The following KCNAB1 variants were observed in gnomAD, a reference collection of about 807,000 sequenced individuals.
KCNAB1 encodes the protein potassium voltage-gated channel subfamily A regulatory beta subunit 1, also known as voltage-gated potassium channel subunit beta-1.
Under a neutral mutation model 64.6 loss-of-function variants are expected in KCNAB1, and 35 were observed. That is an observed-to-expected ratio of 0.54 (90% CI 0.41 to 0.72). The LOEUF (loss-of-function observed/expected upper bound fraction) is 0.72. Ranked by LOEUF, KCNAB1 falls within the 30% of genes least tolerant of loss-of-function variation. The pLI is 0.00. For synonymous variants in KCNAB1, 177 were observed against 183.8 expected, an observed-to-expected ratio of 0.96 and a Z score of 0.30; for missense variants, 401 against 512.9, an observed-to-expected ratio of 0.78 and a Z score of 2.11.
intron 1 of KCNAB1, among the ~76,000 whole-genome samples, chr3:156,137,436 G>A (rs530491903): frequency 2.0e-5 from 3 of 152,186 alleles, no homozygotes; most frequent in East Asian, 1.9e-4. Flanking sequence ...GGACTGTTGT[G>A]TTGTATTCAC....
At chr3:156,147,615 T>C (rs1715114350) in intron 1 of KCNAB1, among the ~76,000 whole-genome samples, 1 of 152,090 alleles carries the variant, frequency 6.6e-6, no homozygotes, top group African/African-American at 2.4e-5. Context: ...GAAAAATAAG[T>C]GTTATTTGCC....
At chr3:156,467,562 A>G (rs113520952) in intron 7 of KCNAB1, among the ~76,000 whole-genome samples, 42 of 152,186 alleles carry the variant, frequency 2.8e-4, no homozygotes, top group African/African-American at 9.9e-4. Context: ...CATCTTCTTC[A>G]CCTTTTCTCT....
chr3:156,514,323 T>C (rs774315608), intron 8 of KCNAB1, 41 bp from the exon 9 acceptor site: 21 of 1,506,118 alleles, frequency 1.4e-5, no homozygotes, highest in African/African-American at 1.4e-5. Flanking sequence ...CTTTGAAAAG[T>C]AGACAAATTC....
intron 1 of KCNAB1, among the ~76,000 whole-genome samples, chr3:156,236,995 C>A (rs1026908295): frequency 2.0e-5 from 3 of 152,062 alleles, no homozygotes; most frequent in African/African-American, 7.2e-5. Flanking sequence ...AGTGTTATTG[C>A]TCTTGAGTGT....
chr3:156,289,668 T>G (rs1193389951), intron 1 of KCNAB1, among the ~76,000 whole-genome samples: 2 of 152,252 alleles, frequency 1.3e-5, no homozygotes, highest in Non-Finnish European at 2.9e-5. Flanking sequence ...ATATGTTTAT[T>G]TTTTAAAGTA....
At chr3:156,345,165 TTAA>T (rs1724406602) in intron 1 of KCNAB1, among the ~76,000 whole-genome samples, 1 of 152,240 alleles carries the variant, frequency 6.6e-6, no homozygotes, top group Non-Finnish European at 1.5e-5. Flanking sequence ...ATCTCTACAC[TTAA>T]TAATGTTTGT....
chr3:156,316,455 A>G (rs1204683729), intron 1 of KCNAB1, among the ~76,000 whole-genome samples: 3 of 152,386 alleles, frequency 2.0e-5, no homozygotes, highest in South Asian at 2.1e-4. Flanking sequence ...GATGTGTCCC[A>G]TAACAGGTCA....
chr3:156,535,936 G>A (rs956276561), intron 13 of KCNAB1, among the ~76,000 whole-genome samples: 1 of 152,024 alleles, frequency 6.6e-6, no homozygotes, highest in African/African-American at 2.4e-5. Context: ...GGCATTCAAG[G>A]CTTTCCACAC....
At chr3:156,229,777 G>A (rs1353672914) in intron 1 of KCNAB1, among the ~76,000 whole-genome samples, 1 of 152,116 alleles carries the variant, frequency 6.6e-6, no homozygotes, top group Non-Finnish European at 1.5e-5. Flanking sequence ...TCTCCAGTTG[G>A]GTGTTGGTAA....
chr3:156,205,970 A>T (rs536982494), intron 1 of KCNAB1, among the ~76,000 whole-genome samples: 29 of 152,240 alleles, frequency 1.9e-4, no homozygotes, highest in African/African-American at 6.0e-4. Flanking sequence ...GCACTTGTAC[A>T]TGCTGTTTTG....
chr3:156,525,182 T>G (rs1418829139), intron 12 of KCNAB1, among the ~76,000 whole-genome samples: 1 of 152,160 alleles, frequency 6.6e-6, no homozygotes, highest in Non-Finnish European at 1.5e-5. Flanking sequence ...TAAAACAGCC[T>G]TATGCAGGCC....
At chr3:156,504,176 A>AC (rs1716655228) in intron 8 of KCNAB1, among the ~76,000 whole-genome samples, 3 of 152,136 alleles carry the variant, frequency 2.0e-5, no homozygotes, top group Admixed American at 2.0e-4. Flanking sequence ...ATCTTTCTGC[A>AC]CCTGGCTTAT....
chr3:156,226,281 T>C (rs1409002710), intron 1 of KCNAB1, among the ~76,000 whole-genome samples: 2 of 152,094 alleles, frequency 1.3e-5, no homozygotes. Context: ...CAACTGATCT[T>C]GACAAAGCAA....
chr3:156,120,602 G>A lies in KCNAB1; in HGVS notation c.-10G>A, dbSNP rs1713276589. ...CAGTGACTTCCAGTCTTCTCTGAAA[G>A]ATCTCCACGATGCTGGCAGCCCGGA... On this transcript the variant is annotated 5_prime_UTR_variant, in exon 1 of 14. Transcript: ENST00000490337. 6.2e-7 allele frequency: 1 copy of A among 1,613,586 alleles called. No homozygotes were observed. The highest frequency in any genetic ancestry group is 1.3e-5 in the African/African-American group (1 of 74,892).
chr3:156,483,089 G>C (rs1714946860), intron 8 of KCNAB1, among the ~76,000 whole-genome samples: 2 of 152,036 alleles, frequency 1.3e-5, no homozygotes, highest in African/African-American at 4.8e-5. Flanking sequence ...CTTAAATCTT[G>C]GGACACACAG....
At chr3:156,376,544 T>A (rs931460651) in intron 1 of KCNAB1, among the ~76,000 whole-genome samples, 2 of 152,076 alleles carry the variant, frequency 1.3e-5, no homozygotes, top group Non-Finnish European at 1.5e-5. Context: ...GGAAAAACTA[T>A]TGGGAGGTTG....
chr3:156,316,587 G>C (rs1227188156), intron 1 of KCNAB1, among the ~76,000 whole-genome samples: 4 of 152,204 alleles, frequency 2.6e-5, no homozygotes, highest in African/African-American at 9.7e-5. Flanking sequence ...AGTGTAGGCA[G>C]AGTTAAGGGC....
chr3:156,325,181 A>C (rs1427831582), intron 1 of KCNAB1, among the ~76,000 whole-genome samples: 1 of 152,154 alleles, frequency 6.6e-6, no homozygotes, highest in Non-Finnish European at 1.5e-5. Context: ...TGAGAAAATC[A>C]AGGTTCAGAG....
chr3:156,332,164 CA>C (rs1197344892), intron 1 of KCNAB1, among the ~76,000 whole-genome samples: 11 of 151,790 alleles, frequency 7.2e-5, no homozygotes, highest in Non-Finnish European at 1.5e-4. Flanking sequence ...GTTTGGTTAC[CA>C]AAAAAATTAT....
Sources: allele counts gnomAD v4.1 joint callset (sites outside exome capture counted in the v4.1 genomes callset), GRCh38; gene constraint gnomAD v4.1.1; transcripts MANE v1.5; gene names NCBI Gene and HGNC (gene_info 2026-07-23, HGNC 2026-07-21).